Variants in RRP1B observed in about 807,000 individuals in gnomAD.
RRP1B encodes the protein ribosomal RNA processing 1B.
Under a neutral mutation model 80.2 loss-of-function variants are expected in RRP1B, and 56 were observed. That is an observed-to-expected ratio of 0.70 (90% CI 0.56 to 0.87). The LOEUF is 0.87. Among genes scored for constraint, RRP1B ranks in the 40% least tolerant of loss-of-function variants. The probability of loss-of-function intolerance (pLI) is 0.00; values close to 1 mark genes in which losing one functional copy is unlikely to be tolerated. For synonymous variants in RRP1B, 351 were observed against 357.6 expected, an observed-to-expected ratio of 0.98 and a Z score of 0.21; for missense variants, 807 against 939.8, an observed-to-expected ratio of 0.86 and a Z score of 1.85.
chr21:43,671,767 G>T (rs1211671356), intron 2 of RRP1B, among the ~76,000 whole-genome samples: 1 of 151,932 alleles, frequency 6.6e-6, no homozygotes, highest in African/African-American at 2.4e-5. Context: ...TTGGCTCACT[G>T]CACCCTCTAC....
At chr21:43,684,415 A>G in intron 9 of RRP1B, 138 bp from the exon 10 acceptor site, 1 of 725,838 alleles carries the variant, frequency 1.4e-6, no homozygotes, top group Non-Finnish European at 2.4e-6. Flanking sequence ...CCTGGTTGCC[A>G]AGTCCCAGCA....
rs1568960199 is a variant in RRP1B, at chr21:43,687,859, G to C, written c.1485G>C (p.Glu495Asp). ...EMLESAVLPP[E>D]DMSQSGPSGS... ...TGGAATCAGCAGTGTTGCCCCCAGA[G>C]GACATGTCTCAGAGTGGCCCGAGTG... The change falls in exon 13 of 16, where the codon GAG becomes GAC. Residue 495 changes from glutamate (E) to aspartate (D), a missense_variant. Physicochemically the swap from Glu to Asp is conservative, Grantham distance 45. Coordinates refer to ENST00000340648, the MANE Select transcript of RRP1B (RefSeq NM_015056.3). 6.2e-7 allele frequency: 1 copy of C among 1,613,362 alleles called. No individual in the cohort carries two copies. The highest frequency in any genetic ancestry group is 2.2e-5 in the East Asian group (1 of 44,884).
chr21:43,673,814 A>G (rs967068459), intron 3 of RRP1B, 56 bp from the exon 4 acceptor site: 3 of 1,054,786 alleles, frequency 2.8e-6, no homozygotes, highest in African/African-American at 3.1e-5. Flanking sequence ...TTTTCTTGCT[A>G]TATGGTAGTA....
intron 14 of RRP1B, 101 bp downstream of exon 14, chr21:43,690,541 G>T: frequency 7.3e-7 from 1 of 1,364,836 alleles, no homozygotes; most frequent in Admixed American, 1.9e-5. Flanking sequence ...GCCCCACTGT[G>T]GCCCTCTGAG....
chr21:43,661,853 G>A (rs1480556936), intron 1 of RRP1B, among the ~76,000 whole-genome samples: 2 of 152,130 alleles, frequency 1.3e-5, no homozygotes, highest in Non-Finnish European at 2.9e-5. Context: ...CTCTGCCTTT[G>A]CTTCTCCTGT....
chr21:43,676,408 C>G, intron 7 of RRP1B, 72 bp downstream of exon 7: 1 of 1,193,766 alleles, frequency 8.4e-7, no homozygotes, highest in Middle Eastern at 1.9e-4. Context: ...CGTCGTGCAG[C>G]CTGGCACAGG....
intron 8 of RRP1B, among the ~76,000 whole-genome samples, chr21:43,681,830 G>C (rs969518734): frequency 6.6e-6 from 1 of 151,792 alleles, no homozygotes; most frequent in African/African-American, 2.4e-5. Context: ...ACATGCCTGT[G>C]GTCTCAGCTA....
intron 1 of RRP1B, among the ~76,000 whole-genome samples, chr21:43,663,686 T>C (rs1483142620): frequency 6.6e-6 from 1 of 152,136 alleles, no homozygotes; most frequent in Admixed American, 6.6e-5. Flanking sequence ...GCTTCCCAAG[T>C]AGCTGGGACT....
Position 43,693,501 on chromosome 21 carries a change from A to C in RRP1B, c.*118A>C. On this transcript the variant is annotated 3_prime_UTR_variant, in exon 16 of 16. Transcript: ENST00000340648. This position sits in a 1 kb window ranked among gnomAD's most constrained non-coding sequence, Gnocchi z 4.1. ...TAAGTTCCCATAAGTTGTGTGCACGAGGTTCTGAGAGTGCCCGCAGGCTGC... is the reference window on the plus strand; with the variant it reads ...TAAGTTCCCATAAGTTGTGTGCACGCGGTTCTGAGAGTGCCCGCAGGCTGC... 1 of 1,039,382 alleles carries C rather than the reference A, an allele frequency of 9.6e-7. No homozygotes were observed. Among genetic ancestry groups the C allele is most frequent in the Non-Finnish European group, 1.3e-6 (1 of 754,382 alleles). 64.4% of individuals were successfully genotyped at this position (1,039,382 alleles called of 1,614,324 possible).
rs748823243 is a variant in RRP1B at position 43,676,924 on chromosome 21, T to G, written c.796+10T>G. The G allele has an allele frequency of 1.9e-6, 3 of 1,613,200 alleles. No homozygotes were observed. The African/African-American group carries it at 4.0e-5, about 22-fold the overall frequency. On this transcript the variant is annotated intron_variant, in intron 8 of 15. Coordinates refer to ENST00000340648, the MANE Select transcript of RRP1B (RefSeq NM_015056.3). ...AGTAAAAAGAAGACAGGTAGGAGGA[T>G]GTTCTTGGTCAGTGTAGCTTTCTTT...
chr21:43,677,935 T>A (rs1269474619), intron 8 of RRP1B, among the ~76,000 whole-genome samples: 1 of 152,254 alleles, frequency 6.6e-6, no homozygotes, highest in East Asian at 1.9e-4. Context: ...TTCCATGTTT[T>A]TGCAGCTGTG....
In RRP1B at chr21:43,669,927, C is replaced by T. The variant is rs755303960; in HGVS notation, c.174C>T (p.Leu58=). Residue 58 remains leucine (L), a synonymous_variant, in exon 2 of 16, where the codon CTC becomes CTT. Coordinates refer to ENST00000340648, the MANE Select transcript of RRP1B (RefSeq NM_015056.3). ...AACTTCTGAAAATCTGGAAGGGGCT[C>T]TTCTACTGCATGTGGGTGCAGGATG... is the stretch of plus-strand genomic sequence containing the variant. ...QEELLKIWKG[L]FYCMWVQDEP... is the part of the protein sequence containing the mutation. 18 of 1,613,246 alleles carry T rather than the reference C, an allele frequency of 1.1e-5. No homozygotes were observed. Among genetic ancestry groups the T allele is most frequent in the East Asian group, 2.2e-5 (1 of 44,864 alleles).
chr21:43,680,992 C>T (rs1392871430), intron 8 of RRP1B, among the ~76,000 whole-genome samples: 1 of 152,166 alleles, frequency 6.6e-6, no homozygotes, highest in Admixed American at 6.5e-5. Flanking sequence ...ATAATCCCAG[C>T]ACTCTGGGAA....
intron 1 of RRP1B, among the ~76,000 whole-genome samples, chr21:43,668,532 T>C (rs915571393): frequency 6.6e-6 from 1 of 151,888 alleles, no homozygotes; most frequent in African/African-American, 2.4e-5. Context: ...CATACCCGGC[T>C]AATTTTTTTT....
At position 43,688,062 on chromosome 21, in the gene RRP1B, C is replaced by T. The variant is rs376489030; in HGVS notation, c.1688C>T (p.Thr563Met). ...GCAGAGGGGGCGAACAGCCACACCA[C>T]GCTGCCCCAGCGCAGGAGGCTGCAG... ...GPAEGANSHT[T>M]LPQRRRLQKK... Residue 563 changes from threonine to methionine, a missense_variant, in exon 13 of 16, where the codon ACG becomes ATG. By Grantham distance (81) the Thr-to-Met change is moderately conservative. Coordinates refer to ENST00000340648, the MANE Select transcript of RRP1B (RefSeq NM_015056.3). 23 of 1,612,520 alleles carry T rather than the reference C, an allele frequency of 1.4e-5. No individual in the cohort carries two copies. Among genetic ancestry groups the T allele is most frequent in the African/African-American group, 5.3e-5 (4 of 75,054 alleles).
chr21:43,694,883 C>A lies in RRP1B; in HGVS notation c.*1500C>A, dbSNP rs2083101506. On this transcript the variant is annotated 3_prime_UTR_variant, in exon 16 of 16. Coordinates refer to ENST00000340648, the MANE Select transcript of RRP1B (RefSeq NM_015056.3). ...ATTCATGGAGCCAAGGGTGGGGTTT[C>A]ACCTGCGAACATCAGACTGACTTGC... 6.6e-6 allele frequency: 1 copy of A among 152,212 alleles called. No homozygotes were observed. Among genetic ancestry groups the A allele is most frequent in the South Asian group, 2.1e-4 (1 of 4,834 alleles). The allele number at this position is 152,212 out of a possible 1,614,324, so 9.4% of individuals were successfully genotyped here. A position where few individuals can be genotyped will look rare whatever the true frequency, so the allele number is the denominator to read the frequency against.
chr21:43,662,956 T>G (rs1367320693), intron 1 of RRP1B, among the ~76,000 whole-genome samples: 2 of 152,262 alleles, frequency 1.3e-5, no homozygotes, highest in Non-Finnish European at 2.9e-5. Flanking sequence ...ATCATTGCTT[T>G]CTTTTTGGCA....
intron 3 of RRP1B, 122 bp downstream of exon 3, chr21:43,672,487 A>G: frequency 2.4e-6 from 2 of 831,376 alleles, no homozygotes; most frequent in South Asian, 3.1e-5. Flanking sequence ...AAAAGCTGTG[A>G]TAAACTTAGT....
chr21:43,659,595 T>A lies in RRP1B; in HGVS notation c.-70T>A. On this transcript the variant is annotated 5_prime_UTR_variant, in exon 1 of 16. Transcript: ENST00000340648. The surrounding 1 kb of genome is among the most constrained non-coding windows in gnomAD (Gnocchi z 4.2). ...GCGGCCCGGGCGGACGGTGGCTGGCTGCTCCGCAGCGCTCGGCTGGCTGCA... is the reference window on the plus strand; with the variant it reads ...GCGGCCCGGGCGGACGGTGGCTGGCAGCTCCGCAGCGCTCGGCTGGCTGCA... 1 of 1,300,670 alleles carries A rather than the reference T, an allele frequency of 7.7e-7. No homozygotes were observed. Among genetic ancestry groups the A allele is most frequent in the Non-Finnish European group, 9.7e-7 (1 of 1,026,022 alleles). The allele number at this position is 1,300,670 out of a possible 1,614,324, so 80.6% of individuals were successfully genotyped here. A position where few individuals can be genotyped will look rare whatever the true frequency, so the allele number is the denominator to read the frequency against.
Sources: allele counts gnomAD v4.1 joint callset (sites outside exome capture counted in the v4.1 genomes callset), GRCh38; gene constraint gnomAD v4.1.1; non-coding constraint Gnocchi (gnomAD v3.1); transcripts MANE v1.5; gene names NCBI Gene and HGNC (gene_info 2026-07-23, HGNC 2026-07-21).